The following VWA3B variants were observed in gnomAD, a reference collection of about 807,000 sequenced individuals.
The protein encoded by VWA3B is von Willebrand factor A domain-containing protein 3B.
Under a neutral mutation model 158.3 loss-of-function variants are expected in VWA3B, and 138 were observed. The observed-to-expected ratio is 0.87, with a 90% confidence interval of 0.76 to 1.00. The LOEUF is 1.00. VWA3B is among the 50% of genes least tolerant of loss of function. VWA3B has a pLI of 0.00. For missense variants in VWA3B, 1,555 were observed against 1,565.1 expected, an observed-to-expected ratio of 0.99 and a Z score of 0.11; for synonymous variants, 596 against 587.3, an observed-to-expected ratio of 1.01 and a Z score of -0.21.
rs1315364314 is a variant in VWA3B, at chr2:98,093,107, C to A, written c.15C>A (p.Gly5=). The change falls in exon 2 of 28, where the codon GGC becomes GGA. Residue 5 remains glycine (G), a synonymous_variant. Transcript: ENST00000477737. ...TTGATTCAGAGATGGAGAAATCAGG[C>A]CCATCTTCTACCATCTCTGAGCAGC... MEKS[G]PSSTISEQQL... 7 of 1,613,486 alleles carry A rather than the reference C, an allele frequency of 4.3e-6. No individual in the cohort carries two copies. The highest frequency in any genetic ancestry group is 2.7e-5 in the African/African-American group (2 of 74,814).
At chr2:98,279,206 G>C (rs1303241624) in intron 22 of VWA3B, among the ~76,000 whole-genome samples, 1 of 152,156 alleles carries the variant, frequency 6.6e-6, no homozygotes, top group African/African-American at 2.4e-5. Flanking sequence ...ACTGAAAGAA[G>C]GGGGAAAATA....
In VWA3B at chr2:98,133,857, A is replaced by G; in HGVS notation, c.906A>G (p.Val302=). The G allele has an allele frequency of 6.2e-7, 1 of 1,614,190 alleles. No homozygotes were observed. Among genetic ancestry groups the G allele is most frequent in the Non-Finnish European group, 8.5e-7 (1 of 1,180,030 alleles). ...FHAFAERTEC[V]EFPAFSTKDG... ...CATTTGCCGAGAGAACAGAGTGTGT[A>G]GAATTTCCTGCATTCTCCACAAAGG... Residue 302 remains valine (V), a synonymous_variant, in exon 7 of 28, where the codon GTA becomes GTG. Coordinates refer to ENST00000477737, the MANE Select transcript of VWA3B (RefSeq NM_144992.5).
intron 8 of VWA3B, among the ~76,000 whole-genome samples, chr2:98,164,393 T>C (rs889208208): frequency 5.3e-5 from 8 of 152,242 alleles, no homozygotes; most frequent in Non-Finnish European, 1.0e-4. Context: ...ATTCCCTAAA[T>C]GGTAGTAACA....
chr2:98,187,994 T>C lies in VWA3B; in HGVS notation c.1331T>C (p.Val444Ala), dbSNP rs753129988. 1 of 1,613,398 alleles carries C rather than the reference T, an allele frequency of 6.2e-7. No homozygotes were observed. Among genetic ancestry groups the C allele is most frequent in the Admixed American group, 1.7e-5 (1 of 59,936 alleles). The change falls in exon 10 of 28, where the codon GTC (valine) becomes GCC (alanine). Residue 444 changes from valine (V) to alanine (A), a missense_variant. Coordinates refer to ENST00000477737, the MANE Select transcript of VWA3B (RefSeq NM_144992.5). ...QTSAETNKKT[V>A]HAKYCSRFVH... The stretch of plus-strand genomic sequence containing the variant: ...CCTTAGGAGACGAACAAGAAGACAG[T>C]CCATGCAAAATATTGCAGCAGGTTT...
chr2:98,099,224 T>C (rs1682921795), intron 2 of VWA3B: 1 of 152,196 alleles, frequency 6.6e-6, no homozygotes, highest in Admixed American at 6.5e-5. Context: ...TTCTTTCAGC[T>C]TGAAGAATTC....
chr2:98,172,452 C>T (rs1179712023), intron 8 of VWA3B, among the ~76,000 whole-genome samples: 2 of 152,202 alleles, frequency 1.3e-5, no homozygotes, highest in Non-Finnish European at 2.9e-5. Flanking sequence ...TGTCCAGCTG[C>T]TTCTGTCTCT....
At chr2:98,145,573 A>T (rs1010123678) in intron 7 of VWA3B, among the ~76,000 whole-genome samples, 3 of 152,126 alleles carry the variant, frequency 2.0e-5, no homozygotes, top group African/African-American at 7.2e-5. Flanking sequence ...AGTCTTCTAC[A>T]TCTATTATTT....
intron 8 of VWA3B, among the ~76,000 whole-genome samples, chr2:98,167,651 A>G (rs912797273): frequency 1.3e-5 from 2 of 152,186 alleles, no homozygotes; most frequent in Middle Eastern, 3.2e-3. Flanking sequence ...GCACAGAGAG[A>G]GAAGTCCAGA....
In VWA3B at chr2:98,195,743, G is replaced by A. The variant is rs114872771; in HGVS notation, c.1737+1251G>A. ...TTTATATAAAAATCACTAATGAATAGAGTCAGCCATCTATTCAGATTTTAG... is the reference window on the plus strand; with the variant it reads ...TTTATATAAAAATCACTAATGAATAAAGTCAGCCATCTATTCAGATTTTAG... On this transcript the variant is annotated intron_variant, in intron 12 of 27. Transcript: ENST00000477737. Among the ~76,000 whole-genome samples, 888 of 152,148 alleles carry A rather than the reference G, an allele frequency of 5.8e-3. 3 individuals are homozygous for A. The highest frequency in any genetic ancestry group is 9.1e-3 in the Non-Finnish European group (620 of 68,000).
At chr2:98,206,884 T>C (rs1334933072) in intron 12 of VWA3B, 2 of 412,534 alleles carry the variant, frequency 4.8e-6, no homozygotes, top group South Asian at 1.9e-5. Context: ...CAATGACTTA[T>C]ATTATGAAAT....
Position 98,261,159 on chromosome 2 carries a change from G to T in VWA3B, c.2843+4985G>T, listed in dbSNP as rs541702864. ...TTTGTTCTAATGGGTCGTTGTGATCGCTCTTTATTTCCTTTTCTGTATACT... is the reference window on the plus strand; with the variant it reads ...TTTGTTCTAATGGGTCGTTGTGATCTCTCTTTATTTCCTTTTCTGTATACT... On this transcript the variant is annotated intron_variant, in intron 21 of 27. Coordinates refer to ENST00000477737, the MANE Select transcript of VWA3B (RefSeq NM_144992.5). Among the ~76,000 whole-genome samples, 91 of 151,644 alleles carry T rather than the reference G, an allele frequency of 6.0e-4. 1 individual carries two copies. Among genetic ancestry groups the T allele is most frequent in the African/African-American group, 2.1e-3 (89 of 41,430 alleles).
At position 98,216,977 on chromosome 2, in the gene VWA3B, T is replaced by C. The variant is rs1252390981; in HGVS notation, c.1837-869T>C. On this transcript the variant is annotated intron_variant, in intron 13 of 27. Coordinates refer to ENST00000477737, the MANE Select transcript of VWA3B (RefSeq NM_144992.5). ...GGAGAGACTGTCATGTGTATCATTG[T>C]AAGCACCCGCCCCGCACCCAGTCTC... 2.7e-6 allele frequency: 3 copies of C among 1,128,860 alleles called. No homozygotes were observed. The Admixed American group carries it at 8.4e-5, about 32-fold the overall frequency. 69.9% of individuals were successfully genotyped at this position (1,128,860 alleles called of 1,614,324 possible). A position where few individuals can be genotyped will look rare whatever the true frequency, so the allele number is the denominator to read the frequency against.
chr2:98,128,077 T>C (rs1573842712), intron 5 of VWA3B, 162 bp from the exon 6 acceptor site: 1 of 769,468 alleles, frequency 1.3e-6, no homozygotes, highest in East Asian at 2.5e-5. Context: ...ATATCTCACT[T>C]CCTGACTGGC....
At chr2:98,222,644 G>T (rs72817768) in intron 14 of VWA3B, among the ~76,000 whole-genome samples, 15,570 of 152,244 alleles carry the variant, frequency 0.1, 1,235 homozygotes, top group Non-Finnish European at 0.15. Context: ...GACAGCAGGG[G>T]AGGTACCAAG....
chr2:98,136,039 C>G (rs1388413396), intron 7 of VWA3B, among the ~76,000 whole-genome samples: 1 of 152,042 alleles, frequency 6.6e-6, no homozygotes, highest in African/African-American at 2.4e-5. Context: ...TAGAGACTCT[C>G]AAGTAAGGGG....
intron 19 of VWA3B, among the ~76,000 whole-genome samples, chr2:98,245,129 C>T (rs1310591476): frequency 6.6e-6 from 1 of 152,062 alleles, no homozygotes; most frequent in East Asian, 1.9e-4. Context: ...TTAAGCCTCC[C>T]TTAAATCAAA....
At chr2:98,095,172 G>A (rs1158883809) in intron 2 of VWA3B, among the ~76,000 whole-genome samples, 2 of 152,134 alleles carry the variant, frequency 1.3e-5, no homozygotes, top group African/African-American at 2.4e-5. Context: ...AATGTCATTG[G>A]TATTTTGTTA....
At chr2:98,093,707 A>T (rs1448415239) in intron 2 of VWA3B, among the ~76,000 whole-genome samples, 1 of 152,162 alleles carries the variant, frequency 6.6e-6, no homozygotes, top group African/African-American at 2.4e-5. Flanking sequence ...ATCATCATTA[A>T]CTATGATCAC....
the VWA3B span, among the ~76,000 whole-genome samples, chr2:98,327,469 G>C: frequency 6.6e-6 from 1 of 152,138 alleles, no homozygotes; most frequent in Admixed American, 6.5e-5. Context: ...TAAAACAGAA[G>C]CTAACTCTGT....
Sources: allele counts gnomAD v4.1 joint callset (sites outside exome capture counted in the v4.1 genomes callset), GRCh38; gene constraint gnomAD v4.1.1; transcripts MANE v1.5; gene names NCBI Gene and HGNC (gene_info 2026-07-23, HGNC 2026-07-21).